The following ZNF330 variants were observed in gnomAD, a reference collection of about 807,000 sequenced individuals.
ZNF330 encodes the protein zinc finger protein 330.
ZNF330 carries 31 observed loss-of-function variants against 45.5 expected under a neutral mutation model. That is an observed-to-expected ratio of 0.68 (90% confidence interval 0.51 to 0.92). ZNF330 has a LOEUF of 0.92. Among genes scored for constraint, ZNF330 ranks in the 40% least tolerant of loss-of-function variants. The pLI is 0.00. For missense variants in ZNF330, 356 were observed against 387.4 expected, an observed-to-expected ratio of 0.92 and a Z score of 0.68; for synonymous variants, 138 against 123.2, an observed-to-expected ratio of 1.12 and a Z score of -0.79.
intron 2 of ZNF330, 151 bp downstream of exon 2, chr4:141,222,642 T>C: frequency 2.9e-6 from 2 of 682,252 alleles, no homozygotes; most frequent in Non-Finnish European, 4.7e-6. Context: ...TTGATTTCAC[T>C]GAGTGGCAGT....
Position 141,230,238 on chromosome 4 carries a change from G to A in ZNF330, c.491G>A (p.Ser164Asn). The part of the protein sequence containing the change: ...CEDDQFEHQA[S>N]CQVLEAETFK... ...GATGATCAATTTGAGCATCAAGCCA[G>A]CTGCCAGGTTTTAGAGGCAGAAACA... Residue 164 changes from serine (S) to asparagine (N), a missense_variant, in exon 7 of 10, where the codon AGC becomes AAC. Physicochemically the swap from Ser to Asn is conservative, Grantham distance 46. Coordinates refer to ENST00000262990, the MANE Select transcript of ZNF330 (RefSeq NM_014487.6). The A allele has an allele frequency of 6.2e-7, 1 of 1,610,494 alleles. No individual in the cohort carries two copies. Among genetic ancestry groups the A allele is most frequent in the Middle Eastern group, 1.7e-4 (1 of 5,960 alleles).
At chr4:141,223,653 T>G in intron 2 of ZNF330, 1 of 439,468 alleles carries the variant, frequency 2.3e-6, no homozygotes, top group Non-Finnish European at 4.6e-6. Flanking sequence ...GGCTGTCTTC[T>G]GTGTTTAAGA....
At chr4:141,224,392 T>C in intron 2 of ZNF330, 95 bp from the exon 3 acceptor site, 1 of 1,218,052 alleles carries the variant, frequency 8.2e-7, no homozygotes. Context: ...GTCACTTAAA[T>C]TTTAACCTGA....
At chr4:141,230,315 A>G in intron 7 of ZNF330, 45 bp downstream of exon 7, 1 of 1,185,980 alleles carries the variant, frequency 8.4e-7, no homozygotes, top group Non-Finnish European at 1.2e-6. Context: ...AAGATTCTGA[A>G]TAGTATAATT....
chr4:141,224,910 G>T (rs768272960), intron 4 of ZNF330, among the ~76,000 whole-genome samples: 1 of 152,078 alleles, frequency 6.6e-6, no homozygotes, highest in African/African-American at 2.4e-5. Flanking sequence ...TTTAGATACA[G>T]GTTACCAATA....
rs1273553927 is a variant in ZNF330, at chr4:141,229,622, C to G, written c.343C>G (p.Leu115Val). 1.2e-6 allele frequency: 2 copies of G among 1,613,020 alleles called. No homozygotes were observed. Among genetic ancestry groups the G allele is most frequent in the Non-Finnish European group, 1.7e-6 (2 of 1,179,322 alleles). ...EAWVCHGRKCLSTHACACPLT... is the reference protein window; with the variant it reads ...EAWVCHGRKCVSTHACACPLT... ...TTGGGTTTGCCATGGTAGGAAATGT[C>G]TCAGTACACATGCTTGTGCCTGCCC... The change falls in exon 6 of 10, where the codon CTC (leucine) becomes GTC (valine). Residue 115 changes from leucine (L) to valine (V), a missense_variant. Physicochemically the swap from Leu to Val is conservative, Grantham distance 32 (BLOSUM62 1). Transcript: ENST00000262990.
chr4:141,234,278 C>T lies in ZNF330; in HGVS notation c.*289C>T, dbSNP rs1729030199. On this transcript the variant is annotated 3_prime_UTR_variant, in exon 10 of 10. Transcript: ENST00000262990. Reference sequence around the variant, plus strand: ...TAAAGTATGTTTTGCCAATTAGATACATATATACAAGATAAAGGAATAGGA... The same window carrying T: ...TAAAGTATGTTTTGCCAATTAGATATATATATACAAGATAAAGGAATAGGA... 1.5e-5 allele frequency: 4 copies of T among 272,166 alleles called. No individual in the cohort carries two copies. The highest frequency in any genetic ancestry group is 2.3e-4 in the South Asian group (2 of 8,548). The allele number at this position is 272,166 out of a possible 1,614,324, so 16.9% of individuals were successfully genotyped here. A position where few individuals can be genotyped will look rare whatever the true frequency, so the allele number is the denominator to read the frequency against.
Position 141,226,820 on chromosome 4 carries a change from G to GTA in ZNF330, c.268_269dup (p.Ser91ThrfsTer79), listed in dbSNP as rs781700074. Reference sequence around the variant, plus strand: ...AGACTGTGTCATAAAGCATGCTGGTGTATACAGTACTGGCCTTGCAATGGT... The same window carrying GTA: ...AGACTGTGTCATAAAGCATGCTGGTGTATATACAGTACTGGCCTTGCAATGGT... On this transcript the variant is annotated frameshift_variant, in exon 5 of 10. Coordinates refer to ENST00000262990, the MANE Select transcript of ZNF330 (RefSeq NM_014487.6). LOFTEE classifies it high-confidence loss of function. 1.2e-6 allele frequency: 2 copies of GTA among 1,612,888 alleles called. No homozygotes were observed. The highest frequency in any genetic ancestry group is 1.7e-6 in the Non-Finnish European group (2 of 1,179,306).
chr4:141,223,904 G>A (rs1251019277), intron 2 of ZNF330: 3 of 425,472 alleles, frequency 7.1e-6, no homozygotes, highest in African/African-American at 2.0e-5. Flanking sequence ...ACATGGAGAA[G>A]AGAGAATATA....
At chr4:141,222,299 T>G (rs537494880) in intron 1 of ZNF330, 67 bp from the exon 2 acceptor site, 2 of 1,539,024 alleles carry the variant, frequency 1.3e-6, no homozygotes, top group Admixed American at 2.0e-5. Flanking sequence ...ATACTATTTC[T>G]TAGTTTATTA....
intron 5 of ZNF330, among the ~76,000 whole-genome samples, chr4:141,229,328 TTTTTTC>T (rs1185192556): frequency 6.6e-6 from 1 of 152,132 alleles, no homozygotes; most frequent in African/African-American, 2.4e-5. Flanking sequence ...CAGTTTACCT[TTTTTTC>T]TTTTGATATG....
rs555088032 is a variant in ZNF330 at position 141,228,582 on chromosome 4, A to C, written c.292-989A>C. On this transcript the variant is annotated intron_variant, in intron 5 of 9. Coordinates refer to ENST00000262990, the MANE Select transcript of ZNF330 (RefSeq NM_014487.6). ...CTGTCCTCTGCAAATTATCTCTTTA[A>C]AACTCTTCTAGATTACCTAGTTTGA... 3.3e-5 allele frequency among the ~76,000 whole-genome samples: 5 copies of C among 152,162 alleles called. No homozygotes were observed. The East Asian group carries it at 9.7e-4, about 29-fold the overall frequency.
At chr4:141,227,385 G>A (rs190499250) in intron 5 of ZNF330, among the ~76,000 whole-genome samples, 49 of 151,980 alleles carry the variant, frequency 3.2e-4, no homozygotes, top group African/African-American at 8.9e-4. Context: ...GAGAACATGC[G>A]GTGTTTGGTT....
chr4:141,230,996 C>T (rs1313788045), intron 7 of ZNF330, among the ~76,000 whole-genome samples: 1 of 151,952 alleles, frequency 6.6e-6, no homozygotes, highest in African/African-American at 2.4e-5. Context: ...ACCGAAATTC[C>T]CCAGGTATTC....
At chr4:141,228,377 A>G (rs966638761) in intron 5 of ZNF330, among the ~76,000 whole-genome samples, 3 of 152,032 alleles carry the variant, frequency 2.0e-5, no homozygotes, top group African/African-American at 7.2e-5. Flanking sequence ...GATTTTCTGG[A>G]TATCTTCTAT....
chr4:141,232,869 T>A (rs1327192448), intron 9 of ZNF330, among the ~76,000 whole-genome samples: 3 of 151,902 alleles, frequency 2.0e-5, no homozygotes, highest in African/African-American at 7.3e-5. Flanking sequence ...TTTGCCTTAG[T>A]TAATGACAGC....
At chr4:141,223,746 T>C (rs1314324123) in intron 2 of ZNF330, 1 of 456,046 alleles carries the variant, frequency 2.2e-6, no homozygotes, top group African/African-American at 2.0e-5. Flanking sequence ...AGTGCTTCAA[T>C]AAAGGTACAA....
intron 5 of ZNF330, among the ~76,000 whole-genome samples, chr4:141,228,220 A>G (rs1374991592): frequency 2.6e-5 from 4 of 152,160 alleles, no homozygotes; most frequent in African/African-American, 7.2e-5. Context: ...TCTTTATTCA[A>G]AAACACTTTC....
rs1729025724 is a variant in ZNF330 at position 141,234,067 on chromosome 4, A to G, written c.*78A>G. The G allele has an allele frequency of 1.3e-6, 2 of 1,520,022 alleles. No homozygotes were observed. The highest frequency in any genetic ancestry group is 8.8e-7 in the Non-Finnish European group (1 of 1,139,310). 94.2% of individuals were successfully genotyped at this position (1,520,022 alleles called of 1,614,324 possible). The stretch of plus-strand genomic sequence containing the variant: ...TTGATGAATTGTGTGTGGTTGTTCA[A>G]AAGTACCTTAGCCACTTAGCCTTGT... On this transcript the variant is annotated 3_prime_UTR_variant, in exon 10 of 10. Transcript: ENST00000262990.
Sources: gnomAD v4.1 joint callset for allele counts (sites outside exome capture counted in the v4.1 genomes callset) on GRCh38, gnomAD v4.1.1 for gene constraint, MANE v1.5 for transcripts, NCBI Gene and HGNC (gene_info 2026-07-23, HGNC 2026-07-21) for gene names.